ZNF385D: variants seen among roughly 807,000 people sequenced by gnomAD.
ZNF385D encodes zinc finger protein 659.
A neutral mutation model predicts 35.8 loss-of-function variants in ZNF385D; 15 were observed. The ratio of observed to expected loss-of-function variants is 0.42; its 90% CI spans 0.28 to 0.64. The LOEUF (loss-of-function observed/expected upper bound fraction) is 0.64, where lower values mean the gene tolerates loss of function less well. ZNF385D is among the 30% of genes least tolerant of loss of function. The pLI is 0.23. For synonymous variants in ZNF385D, 212 were observed against 186.8 expected, an observed-to-expected ratio of 1.13 and a Z score of -1.10; for missense variants, 474 against 494.6, an observed-to-expected ratio of 0.96 and a Z score of 0.39.
intron 3 of ZNF385D, among the ~76,000 whole-genome samples, chr3:21,793,851 G>A (rs957490494): frequency 6.6e-6 from 1 of 152,176 alleles, no homozygotes; most frequent in Non-Finnish European, 1.5e-5. Flanking sequence ...CATGAGTTTA[G>A]GGAACCATTC....
At chr3:21,687,377 G>A (rs905163734) in intron 1 of ZNF385D, among the ~76,000 whole-genome samples, 3 of 152,136 alleles carry the variant, frequency 2.0e-5, no homozygotes, top group Non-Finnish European at 4.4e-5. Flanking sequence ...ACAATAAAAC[G>A]AATATGTATA....
intron 2 of ZNF385D, among the ~76,000 whole-genome samples, chr3:22,363,249 G>T (rs1162483248): frequency 1.3e-5 from 2 of 152,014 alleles, no homozygotes; most frequent in African/African-American, 4.8e-5. Context: ...AAAGAGTCAA[G>T]CAGACCCCAG....
At chr3:22,111,956 C>G (rs1702559696) in intron 3 of ZNF385D, among the ~76,000 whole-genome samples, 2 of 151,998 alleles carry the variant, frequency 1.3e-5, no homozygotes, top group Non-Finnish European at 1.5e-5. Context: ...TCAAATGCAG[C>G]CAAGTCGTTA....
intron 3 of ZNF385D, among the ~76,000 whole-genome samples, chr3:21,975,697 C>T (rs1703553362): frequency 1.7e-5 from 2 of 119,924 alleles, no homozygotes; most frequent in South Asian, 5.5e-4. Flanking sequence ...ATTATGTACC[C>T]ACGAAATATA....
chr3:21,606,389 TTTTC>T (rs1334312019), intron 2 of ZNF385D, among the ~76,000 whole-genome samples: 5 of 152,318 alleles, frequency 3.3e-5, no homozygotes, highest in Non-Finnish European at 4.4e-5. Flanking sequence ...TTTGAGTAGA[TTTTC>T]TTTTTCTTAT....
upstream of ZNF385D, among the ~76,000 whole-genome samples, chr3:21,752,945 A>G (rs1160278096): frequency 2.6e-5 from 4 of 151,990 alleles, no homozygotes; most frequent in African/African-American, 9.7e-5. Flanking sequence ...TTGACCTCCT[A>G]CATGTGCTAG....
chr3:21,856,941 C>T (rs903341939), intron 3 of ZNF385D, among the ~76,000 whole-genome samples: 2 of 152,074 alleles, frequency 1.3e-5, no homozygotes, highest in Non-Finnish European at 2.9e-5. Context: ...GCAGAAGAGG[C>T]CAATCTAAGT....
intron 3 of ZNF385D, among the ~76,000 whole-genome samples, chr3:21,995,753 A>G (rs1006057723): frequency 6.6e-6 from 1 of 151,862 alleles, no homozygotes; most frequent in Admixed American, 6.6e-5. Context: ...ACCATTCTCC[A>G]GATTGCCAGA....
At chr3:22,029,873 A>G (rs1697822433) in intron 3 of ZNF385D, among the ~76,000 whole-genome samples, 3 of 151,834 alleles carry the variant, frequency 2.0e-5, no homozygotes, top group Admixed American at 1.3e-4. Flanking sequence ...TGGACTTGTG[A>G]TGGTTAATAC....
At chr3:22,118,909 G>A (rs776346519) in intron 3 of ZNF385D, among the ~76,000 whole-genome samples, 1 of 152,014 alleles carries the variant, frequency 6.6e-6, no homozygotes, top group Non-Finnish European at 1.5e-5. Flanking sequence ...AGAAACATTT[G>A]CAAGTCTTAT....
At position 21,419,839 on chromosome 3, in the gene ZNF385D, C is replaced by T. The variant is rs1214428029; in HGVS notation, c.*1375G>A. On this transcript the variant is annotated 3_prime_UTR_variant, in exon 8 of 8. Transcript: ENST00000281523. ...TCTTTTTATAACTTATTCTCTTAAT[C>T]TTTCTAACATATATACAATATACAT... 1 of 151,764 alleles carries T rather than the reference C, an allele frequency of 6.6e-6. No individual in the cohort carries two copies. The highest frequency in any genetic ancestry group is 1.5e-5 in the Non-Finnish European group (1 of 67,914). The allele number at this position is 151,764 out of a possible 1,614,324, so 9.4% of individuals were successfully genotyped here.
Position 22,134,991 on chromosome 3 carries a change from A to G in ZNF385D, c.325+33826T>C, listed in dbSNP as rs183893422. 6.6e-5 allele frequency among the ~76,000 whole-genome samples: 10 copies of G among 152,300 alleles called. No individual in the cohort carries two copies. The East Asian group carries it at 1.9e-3, about 29-fold the overall frequency. ...AAAATGACTGCATTCTACAAATTAA[A>G]AATAATTAACAATCATACAAAGTAT... On this transcript the variant is annotated intron_variant, in intron 3 of 5. Coordinates refer to the ZNF385D transcript ENST00000494108.
chr3:22,120,059 G>A (rs1381543963), intron 3 of ZNF385D, among the ~76,000 whole-genome samples: 1 of 149,158 alleles, frequency 6.7e-6, no homozygotes, highest in Non-Finnish European at 1.5e-5. Context: ...TGAAGTCCTA[G>A]TCTCAAAGCA....
At chr3:21,727,268 G>C (rs2068805597) in intron 1 of ZNF385D, among the ~76,000 whole-genome samples, 1 of 152,116 alleles carries the variant, frequency 6.6e-6, no homozygotes, top group South Asian at 2.1e-4. Context: ...CATGGGCAAA[G>C]AATTTATGTC....
At chr3:22,159,672 A>G (rs1029647355) in intron 3 of ZNF385D, among the ~76,000 whole-genome samples, 1 of 152,254 alleles carries the variant, frequency 6.6e-6, no homozygotes, top group Non-Finnish European at 1.5e-5. Context: ...AGCCAGAAAC[A>G]TGATCCAAAT....
chr3:21,944,460 T>C (rs1389151103), intron 3 of ZNF385D, among the ~76,000 whole-genome samples: 1 of 152,212 alleles, frequency 6.6e-6, no homozygotes, highest in Non-Finnish European at 1.5e-5. Context: ...AAACTCCCAG[T>C]GACTGGAGCC....
chr3:22,131,030 T>G (rs1307022356), intron 3 of ZNF385D, among the ~76,000 whole-genome samples: 3 of 152,182 alleles, frequency 2.0e-5, no homozygotes, highest in Non-Finnish European at 4.4e-5. Context: ...AGAGAACAGT[T>G]AAATTTATGA....
At chr3:22,224,222 T>C (rs1174927370) in intron 2 of ZNF385D, among the ~76,000 whole-genome samples, 1 of 152,092 alleles carries the variant, frequency 6.6e-6, no homozygotes, top group Non-Finnish European at 1.5e-5. Flanking sequence ...ATGAAGAAAG[T>C]GTTATTTCAT....
chr3:21,596,897 G>A (rs142779490), intron 2 of ZNF385D, among the ~76,000 whole-genome samples: 4 of 152,160 alleles, frequency 2.6e-5, no homozygotes, highest in Admixed American at 6.5e-5. Flanking sequence ...GAGGAAAGGA[G>A]GTCTTCATGA....
Sources: allele counts gnomAD v4.1 joint callset (sites outside exome capture counted in the v4.1 genomes callset), GRCh38; gene constraint gnomAD v4.1.1; transcripts MANE v1.5; gene names NCBI Gene and HGNC (gene_info 2026-07-23, HGNC 2026-07-21).